Variants in AAK1 observed in about 807,000 individuals in gnomAD.
AAK1 encodes the protein AP2-associated protein kinase 1.
In AAK1, 37 loss-of-function variants were observed where a neutral mutation model predicts 116.0. The observed-to-expected ratio is 0.32, with a 90% CI of 0.25 to 0.42. AAK1 has a LOEUF of 0.42. AAK1 is among the 10% of genes least tolerant of loss of function. AAK1 has a pLI of 1.00. For synonymous variants in AAK1, 458 were observed against 439.9 expected, an observed-to-expected ratio of 1.04 and a Z score of -0.51; for missense variants, 919 against 1,170.6, an observed-to-expected ratio of 0.79 and a Z score of 3.14.
At chr2:69,522,774 A>C (rs1037053249) in intron 10 of AAK1, among the ~76,000 whole-genome samples, 42 of 151,612 alleles carry the variant, frequency 2.8e-4, no homozygotes, top group Non-Finnish European at 5.0e-4. Context: ...ACTGCACTCC[A>C]CCCTGGGTGA....
intron 9 of AAK1, 80 bp from the exon 10 acceptor site, chr2:69,525,192 G>T: frequency 7.1e-7 from 1 of 1,399,796 alleles, no homozygotes; most frequent in South Asian, 1.2e-5. Flanking sequence ...GCCTGACTGG[G>T]ACTGAGAGCT....
chr2:69,578,116 C>G (rs1163783503), intron 2 of AAK1, among the ~76,000 whole-genome samples: 1 of 152,100 alleles, frequency 6.6e-6, no homozygotes, highest in African/African-American at 2.4e-5. Context: ...TTAATTACTA[C>G]GAGTCCAGGG....
rs764998723 is a variant in AAK1 at position 69,475,905 on chromosome 2, C to T, written c.2850G>A (p.Arg950=). 9 of 1,612,438 alleles carry T rather than the reference C, an allele frequency of 5.6e-6. No homozygotes were observed. Among genetic ancestry groups the T allele is most frequent in the Non-Finnish European group, 7.6e-6 (9 of 1,179,398 alleles). ...TGAGCTGATCCACCAGCAGTAAAGA[C>T]CTGGCTAGGTTGGGAAGACTGGACT... ...SSESSLPNLA[R]SLLLVDQLID... The change falls in exon 22 of 22, where the codon AGG becomes AGA. Residue 950 remains arginine (R), a synonymous_variant. Coordinates refer to ENST00000409085, the MANE Select transcript of AAK1 (RefSeq NM_014911.5).
intron 17 of AAK1, among the ~76,000 whole-genome samples, chr2:69,486,017 C>T (rs542418669): frequency 9.0e-4 from 136 of 151,836 alleles, no homozygotes; most frequent in South Asian, 2.1e-3. Flanking sequence ...TGCTGTGGAA[C>T]GATCACGGCT....
Position 69,462,363 on chromosome 2 carries a change from TATAATA to T in AAK1, c.*13500_*13505del. 6.6e-6 allele frequency: 1 copy of T among 150,678 alleles called. No individual in the cohort carries two copies. The allele number at this position is 150,678 out of a possible 1,614,324, so 9.3% of individuals were successfully genotyped here. A position where few individuals can be genotyped will look rare whatever the true frequency, so the allele number is the denominator to read the frequency against. The stretch of plus-strand genomic sequence containing the variant: ...TGCACATGTACCCTAAAACTTAAAG[TATAATA>T]ATAATTTAAAAAAAAAAAAAGAATT... On this transcript the variant is annotated 3_prime_UTR_variant, in exon 22 of 22. Transcript: ENST00000409085.
rs1386726504 is a variant in AAK1, at chr2:69,475,626, A to C, written c.*243T>G. ...TGCTTGATTTAAGATAATGCTATTG[A>C]AGAAGGGTAATGAGAAAACACAGCA... On this transcript the variant is annotated 3_prime_UTR_variant, in exon 22 of 22. Transcript: ENST00000409085. 1 of 1,291,708 alleles carries C rather than the reference A, an allele frequency of 7.7e-7. No individual in the cohort carries two copies. Among genetic ancestry groups the C allele is most frequent in the East Asian group, 3.0e-5 (1 of 33,648 alleles). The allele number at this position is 1,291,708 out of a possible 1,614,324, so 80.0% of individuals were successfully genotyped here.
At chr2:69,571,857 A>T (rs1278948005) in intron 2 of AAK1, among the ~76,000 whole-genome samples, 2 of 152,156 alleles carry the variant, frequency 1.3e-5, no homozygotes, top group Non-Finnish European at 2.9e-5. Flanking sequence ...GTTAGGGAGG[A>T]CAGGAGCCAA....
chr2:69,601,536 A>C (rs1421040517), intron 2 of AAK1, among the ~76,000 whole-genome samples: 1 of 152,186 alleles, frequency 6.6e-6, no homozygotes, highest in African/African-American at 2.4e-5. Context: ...AACTGGGTGG[A>C]CCCATCTTGA....
intron 3 of AAK1, among the ~76,000 whole-genome samples, chr2:69,556,609 C>T (rs1315805276): frequency 6.6e-6 from 1 of 152,096 alleles, no homozygotes; most frequent in Non-Finnish European, 1.5e-5. Flanking sequence ...GTAAGCTTTT[C>T]CCAATGCCCA....
intron 2 of AAK1, among the ~76,000 whole-genome samples, chr2:69,560,712 T>C (rs1671596989): frequency 6.6e-6 from 1 of 152,168 alleles, no homozygotes; most frequent in South Asian, 2.1e-4. Flanking sequence ...GCATTTTTGG[T>C]CTTTCTCCCC....
rs980186361 is a variant in AAK1, at chr2:69,533,691, T to G, written c.535-1529A>C. ...TAAGATCTGGGTTTAAAGTCTATTG[T>G]TCTTCCAGAGAGGATATACTGGTGT... On this transcript the variant is annotated intron_variant, in intron 5 of 21. Coordinates refer to ENST00000409085, the MANE Select transcript of AAK1 (RefSeq NM_014911.5). Among the ~76,000 whole-genome samples the G allele has an allele frequency of 3.3e-5, 5 of 152,340 alleles. No individual in the cohort carries two copies. In the South Asian group the frequency reaches 1.0e-3, roughly 32 times the overall value.
Position 69,469,636 on chromosome 2 carries a change from G to A in AAK1, c.*6233C>T. On this transcript the variant is annotated 3_prime_UTR_variant, in exon 22 of 22. Coordinates refer to ENST00000409085, the MANE Select transcript of AAK1 (RefSeq NM_014911.5). ...AGTAAACACTGCCTGTTGTACCTCA[G>A]GGGCTAAAGCCCAGGGCCTGGCTTC... 1 of 985,452 alleles carries A rather than the reference G, an allele frequency of 1.0e-6. No homozygotes were observed. The highest frequency in any genetic ancestry group is 1.2e-6 in the Non-Finnish European group (1 of 829,948). The allele number at this position is 985,452 out of a possible 1,614,324, so 61.0% of individuals were successfully genotyped here. A position where few individuals can be genotyped will look rare whatever the true frequency, so the allele number is the denominator to read the frequency against.
chr2:69,521,267 A>C (rs1233431586), intron 10 of AAK1, among the ~76,000 whole-genome samples: 1 of 152,178 alleles, frequency 6.6e-6, no homozygotes, highest in Non-Finnish European at 1.5e-5. Context: ...CAATCTCAAA[A>C]AGAATGCTAT....
At chr2:69,635,766 G>A (rs1435206840) in intron 2 of AAK1, among the ~76,000 whole-genome samples, 1 of 152,156 alleles carries the variant, frequency 6.6e-6, no homozygotes, top group African/African-American at 2.4e-5. Context: ...GTGGAGCGCT[G>A]GTTGCCAGAG....
Position 69,466,636 on chromosome 2 carries a change from AT to A in AAK1, c.*9232del. 2 of 1,095,846 alleles carry A rather than the reference AT, an allele frequency of 1.8e-6. No homozygotes were observed. Among genetic ancestry groups the A allele is most frequent in the South Asian group, 4.7e-5 (2 of 42,584 alleles). The allele number at this position is 1,095,846 out of a possible 1,614,324, so 67.9% of individuals were successfully genotyped here. A position where few individuals can be genotyped will look rare whatever the true frequency, so the allele number is the denominator to read the frequency against. ...TTAATGGTCAACCCGCGGCAAAAAC[AT>A]TGTGGGACCAAATAATAGATGTTGA... On this transcript the variant is annotated 3_prime_UTR_variant, in exon 22 of 22. Transcript: ENST00000409085.
intron 2 of AAK1, among the ~76,000 whole-genome samples, chr2:69,623,757 C>T (rs1674771664): frequency 6.6e-6 from 1 of 151,944 alleles, no homozygotes. Context: ...TCTTCTCAGG[C>T]CTTTCCAAGG....
intron 2 of AAK1, among the ~76,000 whole-genome samples, chr2:69,615,273 G>T (rs1674274653): frequency 6.6e-6 from 1 of 152,190 alleles, no homozygotes; most frequent in African/African-American, 2.4e-5. Context: ...GGCCAGAATA[G>T]TTCAGTCCTG....
chr2:69,535,133 T>C (rs1316932029), intron 5 of AAK1, among the ~76,000 whole-genome samples: 1 of 152,246 alleles, frequency 6.6e-6, no homozygotes, highest in East Asian at 1.9e-4. Flanking sequence ...TCCTATTGTA[T>C]GTGTGCACTC....
intron 2 of AAK1, among the ~76,000 whole-genome samples, chr2:69,570,590 A>G (rs1672054404): frequency 6.6e-6 from 1 of 152,122 alleles, no homozygotes. Context: ...GCTGTTCTCT[A>G]GGTAGGGCAC....
Sources: gnomAD v4.1 joint callset for allele counts (sites outside exome capture counted in the v4.1 genomes callset) on GRCh38, gnomAD v4.1.1 for gene constraint, MANE v1.5 for transcripts, NCBI Gene and HGNC (gene_info 2026-07-23, HGNC 2026-07-21) for gene names.